The following NOS1AP variants were observed in gnomAD, a reference collection of about 807,000 sequenced individuals.
The protein encoded by NOS1AP is carboxyl-terminal PDZ ligand of neuronal nitric oxide synthase protein.
Under a neutral mutation model 56.2 loss-of-function variants are expected in NOS1AP, and 21 were observed. The observed-to-expected ratio is 0.37, with a 90% CI of 0.26 to 0.54. NOS1AP has a LOEUF of 0.54. Ranked by LOEUF, NOS1AP falls within the 20% of genes least tolerant of loss-of-function variation. The pLI is 0.84. For missense variants in NOS1AP, 522 were observed against 657.8 expected, an observed-to-expected ratio of 0.79 and a Z score of 2.26; for synonymous variants, 270 against 274.6, an observed-to-expected ratio of 0.98 and a Z score of 0.17.
chr1:162,244,059 A>G lies in NOS1AP; in HGVS notation c.178-43285A>G, dbSNP rs565089012. Among the ~76,000 whole-genome samples the G allele has an allele frequency of 1.8e-4, 28 of 152,292 alleles. 1 individual carries two copies. In the South Asian group the frequency reaches 5.0e-3, roughly 27 times the overall value. ...CATTTATAAGTTGGAGACTGGCTCA[A>G]TGAGGTGTATCGGGCCTTAAAGTAT... On this transcript the variant is annotated intron_variant, in intron 2 of 9. Coordinates refer to ENST00000361897, the MANE Select transcript of NOS1AP (RefSeq NM_014697.3).
intron 2 of NOS1AP, among the ~76,000 whole-genome samples, chr1:162,173,979 A>G (rs942006424): frequency 9.2e-5 from 14 of 152,204 alleles, no homozygotes; most frequent in African/African-American, 3.4e-4. Flanking sequence ...AACTAGTTCA[A>G]CCATTGTGGA....
intron 2 of NOS1AP, among the ~76,000 whole-genome samples, chr1:162,217,289 A>T (rs1195281333): frequency 4.1e-4 from 2 of 4,870 alleles, no homozygotes; most frequent in African/African-American, 1.0e-3. Flanking sequence ...TTTGAGATGA[A>T]GTCTCACTCT....
chr1:162,119,256 C>G (rs965595031), intron 1 of NOS1AP, among the ~76,000 whole-genome samples: 1 of 152,110 alleles, frequency 6.6e-6, no homozygotes, highest in African/African-American at 2.4e-5. Flanking sequence ...GAAAGTCTCT[C>G]CAGGCATTCT....
chr1:162,365,121 T>C (rs1571249152), intron 8 of NOS1AP: 1 of 1,380,610 alleles, frequency 7.2e-7, no homozygotes, highest in East Asian at 2.8e-5. Context: ...GTCTAGAGGG[T>C]CGATGGCTCT....
At chr1:162,123,270 C>G (rs552245732) in intron 1 of NOS1AP, among the ~76,000 whole-genome samples, 19 of 152,202 alleles carry the variant, frequency 1.2e-4, no homozygotes, top group African/African-American at 4.6e-4. Context: ...TTCCTGGGTT[C>G]AAGCAATTCT....
intron 2 of NOS1AP, among the ~76,000 whole-genome samples, chr1:162,173,725 A>G (rs2102135280): frequency 6.6e-6 from 1 of 152,338 alleles, no homozygotes; most frequent in Non-Finnish European, 1.5e-5. Context: ...CAAGAAAAAA[A>G]CAAACAACCC....
Position 162,243,608 on chromosome 1 carries a change from T to A in NOS1AP, c.178-43736T>A, listed in dbSNP as rs1031709616. Among the ~76,000 whole-genome samples, 15 of 152,142 alleles carry A rather than the reference T, an allele frequency of 9.9e-5. 1 individual carries two copies. The highest frequency in any genetic ancestry group is 6.2e-4 in the South Asian group (3 of 4,822). On this transcript the variant is annotated intron_variant, in intron 2 of 9. Transcript: ENST00000361897. ...CTGGCCTTGCTCTCTTCTTAACCCA[T>A]CAATTATGGTGGAAGTCATATGATT...
intron 2 of NOS1AP, among the ~76,000 whole-genome samples, chr1:162,232,999 G>T (rs761743189): frequency 3.3e-5 from 5 of 152,112 alleles, no homozygotes; most frequent in African/African-American, 4.8e-5. Context: ...TTACAGTCTG[G>T]CTCCATAGTC....
At chr1:162,347,313 GC>G (rs751190435) in intron 6 of NOS1AP, among the ~76,000 whole-genome samples, 1 of 152,224 alleles carries the variant, frequency 6.6e-6, no homozygotes, top group East Asian at 1.9e-4. Flanking sequence ...CACATTGGCA[GC>G]CAGTATACAC....
chr1:162,093,032 A>G (rs1692167907), intron 1 of NOS1AP, among the ~76,000 whole-genome samples: 1 of 152,100 alleles, frequency 6.6e-6, no homozygotes, highest in South Asian at 2.1e-4. Context: ...GATAGTTTTT[A>G]TTATTTCCAT....
chr1:162,146,314 A>G (rs1349626755), intron 1 of NOS1AP, among the ~76,000 whole-genome samples: 2 of 151,246 alleles, frequency 1.3e-5, no homozygotes, highest in African/African-American at 4.9e-5. Context: ...AGCAGTTAAA[A>G]TCTCCACTTG....
intron 2 of NOS1AP, among the ~76,000 whole-genome samples, chr1:162,261,510 G>GAGAGAGAGA (rs1654225397): frequency 8.3e-5 from 1 of 12,086 alleles, no homozygotes; most frequent in African/African-American, 2.8e-4. Context: ...GAGAGAGAGA[G>GAGAGAGAGA]AGAGAGAGAG....
chr1:162,137,395 G>T (rs1441476036), intron 1 of NOS1AP, among the ~76,000 whole-genome samples: 2 of 151,752 alleles, frequency 1.3e-5, no homozygotes, highest in African/African-American at 2.4e-5. Context: ...GGATTGGCGT[G>T]TGCCTCTGGA....
intron 1 of NOS1AP, among the ~76,000 whole-genome samples, chr1:162,094,556 G>A (rs1053445096): frequency 6.6e-6 from 1 of 152,202 alleles, no homozygotes; most frequent in African/African-American, 2.4e-5. Flanking sequence ...ATAAACATCT[G>A]CTGAGTGTCT....
At chr1:162,070,936 G>A (rs1691647030) in intron 1 of NOS1AP, among the ~76,000 whole-genome samples, 1 of 152,118 alleles carries the variant, frequency 6.6e-6, no homozygotes, top group African/African-American at 2.4e-5. Flanking sequence ...GAATTTAGCA[G>A]AGATGACTGG....
At chr1:162,160,231 C>A (rs983582258) in intron 2 of NOS1AP, among the ~76,000 whole-genome samples, 2 of 152,156 alleles carry the variant, frequency 1.3e-5, no homozygotes, top group African/African-American at 4.8e-5. Flanking sequence ...TCCTATTTAA[C>A]AGTGACTTGG....
At chr1:162,205,444 T>A (rs1479461825) in intron 2 of NOS1AP, among the ~76,000 whole-genome samples, 2 of 152,190 alleles carry the variant, frequency 1.3e-5, no homozygotes, top group African/African-American at 4.8e-5. Flanking sequence ...GCCATACCAC[T>A]TTTTTTCCTT....
At chr1:162,318,686 T>A (rs1357909309) in intron 4 of NOS1AP, among the ~76,000 whole-genome samples, 1 of 152,080 alleles carries the variant, frequency 6.6e-6, no homozygotes, top group Non-Finnish European at 1.5e-5. Context: ...TCGTATTTCC[T>A]ATGGCTTCAA....
chr1:162,278,102 A>G (rs149584933), intron 2 of NOS1AP, among the ~76,000 whole-genome samples: 21 of 152,234 alleles, frequency 1.4e-4, no homozygotes, highest in African/African-American at 4.6e-4. Flanking sequence ...TCTGCCTTCC[A>G]TCCTCTTCCC....
Sources: allele counts gnomAD v4.1 joint callset (sites outside exome capture counted in the v4.1 genomes callset), GRCh38; gene constraint gnomAD v4.1.1; transcripts MANE v1.5; gene names NCBI Gene and HGNC (gene_info 2026-07-23, HGNC 2026-07-21).